The following CHST9 variants were observed in gnomAD, a reference collection of about 807,000 sequenced individuals.
CHST9 encodes the protein GalNAc-4-sulfotransferase 2.
CHST9 carries 41 observed loss-of-function variants against 44.4 expected under a neutral mutation model. The observed-to-expected ratio is 0.92, with a 90% CI of 0.72 to 1.20. CHST9 has a LOEUF of 1.20. Among genes scored for constraint, CHST9 ranks in the 50% most tolerant of loss-of-function variants. The pLI, the probability that CHST9 is intolerant of heterozygous loss-of-function variation, is 0.00. For synonymous variants in CHST9, 171 were observed against 178.4 expected (o/e 0.96, Z 0.33); for missense variants, 504 against 516.5 (o/e 0.98, Z 0.23).
At chr18:26,921,011 G>C (rs1483521359) in intron 5 of CHST9, among the ~76,000 whole-genome samples, 1 of 152,102 alleles carries the variant, frequency 6.6e-6, no homozygotes, top group Non-Finnish European at 1.5e-5. Flanking sequence ...ATTTCAACAA[G>C]ATCCCCAGGT....
At chr18:27,056,979 A>T (rs2057663621) in intron 2 of CHST9, among the ~76,000 whole-genome samples, 1 of 152,186 alleles carries the variant, frequency 6.6e-6, no homozygotes, top group South Asian at 2.1e-4. Flanking sequence ...ATGAGCTAAG[A>T]TCATATGATT....
At position 26,917,078 on chromosome 18, in the gene CHST9, A is replaced by G. The variant is rs904176682; in HGVS notation, c.513T>C (p.Thr171=). 6.2e-7 allele frequency: 1 copy of G among 1,613,952 alleles called. No homozygotes were observed. ...ACCTTCGTTTCTCTTGGGTCTCCTC[A>G]GTTTTCTTCCATTTATTATCTTTGA... The part of the protein sequence containing the change: ...SLVKDNKWKK[T]EETQEKRRSF... Residue 171 remains threonine, a synonymous_variant, in exon 6 of 6, where the codon ACT becomes ACC. Coordinates refer to ENST00000618847, the MANE Select transcript of CHST9 (RefSeq NM_031422.6).
intron 2 of CHST9, among the ~76,000 whole-genome samples, chr18:27,065,821 A>G (rs2057776583): frequency 6.6e-6 from 1 of 152,144 alleles, no homozygotes; most frequent in Non-Finnish European, 1.5e-5. Flanking sequence ...ATTATGTTGG[A>G]CCCCATTCTA....
At chr18:26,995,050 C>T (rs553460566) in intron 4 of CHST9, among the ~76,000 whole-genome samples, 4 of 152,000 alleles carry the variant, frequency 2.6e-5, no homozygotes, top group South Asian at 2.1e-4. Context: ...GGCAACCCTG[C>T]GGAGGGTCCC....
At chr18:27,129,931 G>T (rs1275813695) in intron 2 of CHST9, among the ~76,000 whole-genome samples, 1 of 151,898 alleles carries the variant, frequency 6.6e-6, no homozygotes, top group Non-Finnish European at 1.5e-5. Flanking sequence ...AAACCAGTTT[G>T]GGAAATAAGC....
intron 1 of CHST9, among the ~76,000 whole-genome samples, chr18:27,178,389 C>A (rs570130403): frequency 6.6e-6 from 1 of 151,912 alleles, no homozygotes; most frequent in Non-Finnish European, 1.5e-5. Context: ...AAATATGTAA[C>A]GTGGACCCTG....
At chr18:27,055,530 A>C (rs1356871808) in intron 2 of CHST9, among the ~76,000 whole-genome samples, 1 of 152,186 alleles carries the variant, frequency 6.6e-6, no homozygotes, top group Non-Finnish European at 1.5e-5. Context: ...GCAGGGCCAG[A>C]CCTAAAACCC....
rs2055386168 is a variant in CHST9, at chr18:26,907,565, G to A, written c.*8694C>T. The A allele has an allele frequency of 6.6e-6, 1 of 152,658 alleles. No individual in the cohort carries two copies. The highest frequency in any genetic ancestry group is 1.5e-5 in the Non-Finnish European group (1 of 68,438). 9.5% of individuals were successfully genotyped at this position (152,658 alleles called of 1,614,324 possible). On this transcript the variant is annotated 3_prime_UTR_variant, in exon 6 of 6. Coordinates refer to ENST00000618847, the MANE Select transcript of CHST9 (RefSeq NM_031422.6). The stretch of plus-strand genomic sequence containing the variant: ...GCAGAGAGGGTAGAGCGAGCTGAAT[G>A]TGGGATGGTCATGCGGGGCAGGCAA...
intron 4 of CHST9, among the ~76,000 whole-genome samples, chr18:27,023,907 A>T (rs1457469156): frequency 6.6e-6 from 1 of 152,188 alleles, no homozygotes; most frequent in Non-Finnish European, 1.5e-5. Flanking sequence ...TCCCTTGAGG[A>T]CAAGGATCGT....
At chr18:27,049,366 G>T (rs1003449382) in intron 2 of CHST9, among the ~76,000 whole-genome samples, 15 of 152,114 alleles carry the variant, frequency 9.9e-5, no homozygotes, top group Non-Finnish European at 1.9e-4. Flanking sequence ...TATAGAATGT[G>T]ATGAGGCTGG....
At position 26,979,284 on chromosome 18, in the gene CHST9, A is replaced by G. The variant is rs1191407485; in HGVS notation, c.203-34918T>C. Among the ~76,000 whole-genome samples the G allele has an allele frequency of 3.3e-5, 5 of 152,178 alleles. No homozygotes were observed. In the East Asian group the frequency reaches 9.6e-4, roughly 29 times the overall value. On this transcript the variant is annotated intron_variant, in intron 4 of 5. Coordinates refer to ENST00000618847, the MANE Select transcript of CHST9 (RefSeq NM_031422.6). ...TATTTGGGGGAGGCCAAAAAGGAGA[A>G]GTGAGAAAAACATCACCCATAAGAC...
intron 5 of CHST9, among the ~76,000 whole-genome samples, chr18:26,932,283 A>T (rs763903364): frequency 3.9e-5 from 6 of 152,170 alleles, no homozygotes; most frequent in Non-Finnish European, 8.8e-5. Context: ...CCACACAGAG[A>T]TTGTGATCAT....
intron 2 of CHST9, among the ~76,000 whole-genome samples, chr18:27,099,534 A>G (rs1422489997): frequency 2.0e-5 from 3 of 152,130 alleles, no homozygotes; most frequent in Non-Finnish European, 4.4e-5. Flanking sequence ...AAATAATCCC[A>G]CTGAGAAATG....
intron 2 of CHST9, among the ~76,000 whole-genome samples, chr18:27,124,430 C>T (rs9959749): frequency 0.011 from 1,605 of 152,288 alleles, 23 homozygotes; most frequent in African/African-American, 0.033. Flanking sequence ...AATTTGAATA[C>T]GTTTGGATGA....
intron 2 of CHST9, among the ~76,000 whole-genome samples, chr18:27,092,892 G>A (rs557633307): frequency 2.6e-5 from 4 of 152,112 alleles, no homozygotes; most frequent in Admixed American, 6.5e-5. Context: ...GAATAAGTGC[G>A]GTGTGGTGCC....
chr18:26,986,414 A>G (rs1203289804), intron 4 of CHST9, among the ~76,000 whole-genome samples: 1 of 152,176 alleles, frequency 6.6e-6, no homozygotes, highest in Non-Finnish European at 1.5e-5. Flanking sequence ...GAAAAGATAT[A>G]AAAAAAGAAA....
At chr18:27,014,933 A>G (rs993824409) in intron 4 of CHST9, among the ~76,000 whole-genome samples, 3 of 151,556 alleles carry the variant, frequency 2.0e-5, no homozygotes, top group African/African-American at 4.9e-5. Flanking sequence ...TTATTTCTTT[A>G]TCAATCCTTA....
chr18:27,108,224 G>A (rs1435741169), intron 2 of CHST9, among the ~76,000 whole-genome samples: 2 of 151,862 alleles, frequency 1.3e-5, no homozygotes, highest in African/African-American at 4.8e-5. Flanking sequence ...TCACAGCTGT[G>A]GCTGGATCTA....
chr18:26,993,302 G>A (rs1421407421), intron 4 of CHST9, among the ~76,000 whole-genome samples: 2 of 152,034 alleles, frequency 1.3e-5, no homozygotes, highest in African/African-American at 4.8e-5. Context: ...TTTAAAATAG[G>A]AAGAATCACA....
Sources: allele counts gnomAD v4.1 joint callset (sites outside exome capture counted in the v4.1 genomes callset), GRCh38; gene constraint gnomAD v4.1.1; transcripts MANE v1.5; gene names NCBI Gene and HGNC (gene_info 2026-07-23, HGNC 2026-07-21).